Variants in RGS17 observed in about 807,000 individuals in gnomAD.
RGS17 encodes regulator of G-protein signaling 17.
Under a neutral mutation model 25.5 loss-of-function variants are expected in RGS17, and 12 were observed. The observed-to-expected ratio is 0.47, with a 90% CI of 0.30 to 0.76. The LOEUF (loss-of-function observed/expected upper bound fraction) is 0.76. RGS17 is among the 30% of genes least tolerant of loss of function. The pLI is 0.07. For missense variants in RGS17, 196 were observed against 242.2 expected, an observed-to-expected ratio of 0.81 and a Z score of 1.27; for synonymous variants, 71 against 76.9, an observed-to-expected ratio of 0.92 and a Z score of 0.40.
intron 1 of RGS17, among the ~76,000 whole-genome samples, chr6:153,107,727 G>T (rs1562336074): frequency 6.6e-6 from 1 of 152,168 alleles, no homozygotes; most frequent in East Asian, 1.9e-4. Context: ...GCAAGTGTTG[G>T]TTGGGTACCT....
chr6:153,087,684 T>C (rs773587334), intron 1 of RGS17, among the ~76,000 whole-genome samples: 2 of 152,184 alleles, frequency 1.3e-5, no homozygotes, highest in Non-Finnish European at 2.9e-5. Flanking sequence ...CACCACTGTA[T>C]GTTGGGTGTG....
rs1055643049 is a variant in RGS17, at chr6:153,006,183, T to C, written c.*5391A>G. The C allele has an allele frequency of 1.3e-5, 2 of 152,154 alleles. No homozygotes were observed. Among genetic ancestry groups the C allele is most frequent in the Non-Finnish European group, 2.9e-5 (2 of 68,008 alleles). The allele number at this position is 152,154 out of a possible 1,614,324, so 9.4% of individuals were successfully genotyped here. Reference sequence around the variant, plus strand: ...ACCTTTTATTAAGTTTTTATTTTCATTGTAAAATTGTTAAAGAAAATCATA... The same window carrying C: ...ACCTTTTATTAAGTTTTTATTTTCACTGTAAAATTGTTAAAGAAAATCATA... On this transcript the variant is annotated 3_prime_UTR_variant, in exon 5 of 5. Transcript: ENST00000206262.
At chr6:153,039,667 T>C (rs1053716929) in intron 2 of RGS17, among the ~76,000 whole-genome samples, 4 of 152,236 alleles carry the variant, frequency 2.6e-5, no homozygotes, top group African/African-American at 7.2e-5. Flanking sequence ...CTGAATGATG[T>C]TGCAAGAGAG....
intron 1 of RGS17, among the ~76,000 whole-genome samples, chr6:153,113,376 G>T (rs533827196): frequency 6.6e-6 from 1 of 152,148 alleles, no homozygotes; most frequent in East Asian, 1.9e-4. Context: ...CGCAAGAAGA[G>T]CTAACTATCC....
In RGS17 at chr6:153,056,336, T is replaced by C. The variant is rs375379308; in HGVS notation, c.-25-12293A>G. Reference sequence around the variant, plus strand: ...GAGAAAGATAATCAGAATCATAATTTTCTAATCACTGAGATCAGTGACGCC... The same window carrying C: ...GAGAAAGATAATCAGAATCATAATTCTCTAATCACTGAGATCAGTGACGCC... On this transcript the variant is annotated intron_variant, in intron 1 of 4. Transcript: ENST00000206262. Among the ~76,000 whole-genome samples, 48 of 152,296 alleles carry C rather than the reference T, an allele frequency of 3.2e-4. 8 individuals carry two copies. Among genetic ancestry groups the C allele is most frequent in the Admixed American group, 2.0e-3 (31 of 15,298 alleles).
At chr6:153,060,997 A>G (rs1300927830) in intron 1 of RGS17, among the ~76,000 whole-genome samples, 1 of 152,230 alleles carries the variant, frequency 6.6e-6, no homozygotes, top group South Asian at 2.1e-4. Context: ...ATGAGAAGGC[A>G]TCTTTCTAGT....
chr6:153,084,564 T>C (rs367920254), intron 1 of RGS17, among the ~76,000 whole-genome samples: 9 of 152,068 alleles, frequency 5.9e-5, no homozygotes, highest in East Asian at 3.9e-4. Context: ...AAAGGAATGA[T>C]AGAGAACAGC....
intron 4 of RGS17, among the ~76,000 whole-genome samples, chr6:153,023,133 C>T (rs150577867): frequency 6.6e-5 from 10 of 152,000 alleles, no homozygotes; most frequent in African/African-American, 2.2e-4. Flanking sequence ...GAAGTGAAAT[C>T]GTTTATGTAG....
At chr6:153,014,834 A>G (rs1779167456) in intron 4 of RGS17, among the ~76,000 whole-genome samples, 1 of 151,978 alleles carries the variant, frequency 6.6e-6, no homozygotes, top group Non-Finnish European at 1.5e-5. Context: ...TCATAAAGCT[A>G]TCGCCGCCAT....
At chr6:153,016,269 T>C (rs927477392) in intron 4 of RGS17, among the ~76,000 whole-genome samples, 1 of 152,258 alleles carries the variant, frequency 6.6e-6, no homozygotes, top group African/African-American at 2.4e-5. Flanking sequence ...TTTGCATTTA[T>C]ATGCCAGAGG....
intron 4 of RGS17, among the ~76,000 whole-genome samples, chr6:153,014,688 C>T (rs1417652194): frequency 1.3e-5 from 2 of 151,442 alleles, no homozygotes; most frequent in African/African-American, 4.9e-5. Flanking sequence ...GTCCCAGCTA[C>T]TTGGGAGGCT....
At chr6:153,018,632 T>A (rs180769901) in intron 4 of RGS17, among the ~76,000 whole-genome samples, 60 of 152,354 alleles carry the variant, frequency 3.9e-4, no homozygotes, top group Admixed American at 2.9e-3. Context: ...CCTGACTACT[T>A]CTATTCCATC....
At chr6:153,100,625 T>C (rs1038791800) in intron 1 of RGS17, among the ~76,000 whole-genome samples, 1 of 152,214 alleles carries the variant, frequency 6.6e-6, no homozygotes, top group Non-Finnish European at 1.5e-5. Flanking sequence ...AGTCTTCCTT[T>C]TATCTAACTT....
At chr6:153,066,114 A>T (rs571579697) in intron 1 of RGS17, among the ~76,000 whole-genome samples, 1 of 152,232 alleles carries the variant, frequency 6.6e-6, no homozygotes, top group Non-Finnish European at 1.5e-5. Flanking sequence ...CTGATGCCGC[A>T]AACATTCAAA....
chr6:153,049,695 G>A (rs184008646), intron 1 of RGS17, among the ~76,000 whole-genome samples: 23 of 152,134 alleles, frequency 1.5e-4, no homozygotes, highest in Non-Finnish European at 4.4e-5. Flanking sequence ...AGCTTGCAGT[G>A]AGCCGAGATC....
At chr6:153,062,319 G>C (rs1270366056) in intron 1 of RGS17, among the ~76,000 whole-genome samples, 2 of 152,152 alleles carry the variant, frequency 1.3e-5, no homozygotes, top group Non-Finnish European at 2.9e-5. Context: ...GCATCTCTAG[G>C]CTCTAAGGGA....
intron 1 of RGS17, among the ~76,000 whole-genome samples, chr6:153,118,968 T>C (rs1777582611): frequency 6.6e-6 from 1 of 152,216 alleles, no homozygotes; most frequent in Non-Finnish European, 1.5e-5. Flanking sequence ...ATTTTTATCC[T>C]ATCTTATGTA....
chr6:153,032,619 A>C (rs915759350), intron 2 of RGS17, among the ~76,000 whole-genome samples: 2 of 152,010 alleles, frequency 1.3e-5, no homozygotes, highest in African/African-American at 4.8e-5. Flanking sequence ...GAGTTTTGAT[A>C]ATTATATCTT....
chr6:153,085,273 T>A (rs1210142908), intron 1 of RGS17, among the ~76,000 whole-genome samples: 1 of 152,226 alleles, frequency 6.6e-6, no homozygotes, highest in Non-Finnish European at 1.5e-5. Context: ...AATCATTGCA[T>A]AAATTTGAAT....
Sources: gnomAD v4.1 joint callset for allele counts (sites outside exome capture counted in the v4.1 genomes callset) on GRCh38, gnomAD v4.1.1 for gene constraint, MANE v1.5 for transcripts, NCBI Gene and HGNC (gene_info 2026-07-23, HGNC 2026-07-21) for gene names.